Variants in ERC2 observed in about 807,000 individuals in gnomAD.
The protein encoded by ERC2 is ERC protein 2.
ERC2 carries 42 observed loss-of-function variants against 114.8 expected under a neutral mutation model. The observed-to-expected ratio is 0.37, with a 90% CI of 0.29 to 0.47. The LOEUF is 0.47. Ranked by LOEUF, ERC2 falls within the 20% of genes least tolerant of loss-of-function variation. The pLI, the probability that ERC2 is intolerant of heterozygous loss-of-function variation, is 0.99. For missense variants in ERC2, 939 were observed against 1,150.7 expected (o/e 0.82, Z 2.66); for synonymous variants, 454 against 425.5 (o/e 1.07, Z -0.82).
intron 1 of ERC2, among the ~76,000 whole-genome samples, chr3:56,455,658 A>G (rs1296980637): frequency 1.5e-4 from 23 of 152,244 alleles, no homozygotes; most frequent in Admixed American, 1.5e-3. Flanking sequence ...AGTACTTAGC[A>G]CAGTGCCTGA....
chr3:55,550,829 A>C (rs969760781), intron 17 of ERC2, among the ~76,000 whole-genome samples: 1 of 152,076 alleles, frequency 6.6e-6, no homozygotes, highest in African/African-American at 2.4e-5. Flanking sequence ...ATCCTGGCTA[A>C]CACGGTGAAA....
chr3:55,952,170 C>CTATATATATAT, intron 12 of ERC2, among the ~76,000 whole-genome samples: 1 of 64,588 alleles, frequency 1.5e-5, no homozygotes, highest in African/African-American at 5.0e-5. Context: ...CACACACACA[C>CTATATATATAT]ACACACACAC....
intron 13 of ERC2, 27 bp from the exon 14 acceptor site, chr3:55,888,576 T>C: frequency 1.9e-6 from 3 of 1,609,892 alleles, no homozygotes; most frequent in Non-Finnish European, 2.5e-6. Context: ...GCTCTGTGTG[T>C]TATTTCTCCT....
At chr3:55,846,692 TTTC>T (rs2061381952) in intron 14 of ERC2, among the ~76,000 whole-genome samples, 95 of 131,364 alleles carry the variant, frequency 7.2e-4, no homozygotes, top group Non-Finnish European at 2.2e-4. Context: ...TCTCTCTCTC[TTTC>T]TCTCTCTCTC....
chr3:56,233,432 C>T (rs920218415), intron 3 of ERC2, among the ~76,000 whole-genome samples: 9 of 152,064 alleles, frequency 5.9e-5, no homozygotes, highest in Admixed American at 6.6e-5. Context: ...ACCAGCCTGG[C>T]CAACATGGTG....
chr3:55,536,225 G>A (rs2053991607), intron 17 of ERC2, among the ~76,000 whole-genome samples: 1 of 152,076 alleles, frequency 6.6e-6, no homozygotes, highest in African/African-American at 2.4e-5. Context: ...GCTTTCTCCT[G>A]TCCTCCTTCA....
intron 2 of ERC2, among the ~76,000 whole-genome samples, chr3:56,304,667 G>A (rs2056105244): frequency 6.6e-6 from 1 of 152,116 alleles, no homozygotes; most frequent in African/African-American, 2.4e-5. Context: ...AATACATCAT[G>A]CCCAAGATGT....
chr3:55,851,494 C>T (rs1053982166), intron 14 of ERC2, among the ~76,000 whole-genome samples: 1 of 152,146 alleles, frequency 6.6e-6, no homozygotes, highest in African/African-American at 2.4e-5. Flanking sequence ...TTTTTTCTGG[C>T]TTGCGTGCCC....
intron 14 of ERC2, among the ~76,000 whole-genome samples, chr3:55,816,727 G>C (rs1169336055): frequency 6.6e-6 from 1 of 151,806 alleles, no homozygotes. Context: ...GATAAATTGG[G>C]TTATTCTACA....
At chr3:56,036,745 T>C (rs1272176130) in intron 7 of ERC2, among the ~76,000 whole-genome samples, 7 of 152,150 alleles carry the variant, frequency 4.6e-5, no homozygotes, top group Admixed American at 4.6e-4. Flanking sequence ...ACGCTTTTTC[T>C]ATGAACCTGT....
intron 17 of ERC2, among the ~76,000 whole-genome samples, chr3:55,638,112 C>T (rs138772933): frequency 6.6e-6 from 1 of 152,310 alleles, no homozygotes; most frequent in East Asian, 1.9e-4. Flanking sequence ...TGGCCCAGGG[C>T]CCCATTCCTC....
At chr3:55,563,470 A>G (rs766993534) in intron 17 of ERC2, among the ~76,000 whole-genome samples, 1 of 152,106 alleles carries the variant, frequency 6.6e-6, no homozygotes. Context: ...TGGGCTCCCA[A>G]CTGGGACTTG....
At chr3:56,431,615 C>T (rs2061792357) in intron 2 of ERC2, among the ~76,000 whole-genome samples, 2 of 152,152 alleles carry the variant, frequency 1.3e-5, no homozygotes, top group East Asian at 3.8e-4. Context: ...CTATCCTGAC[C>T]AACAGGTACT....
At chr3:56,323,390 G>A (rs1303176626) in intron 2 of ERC2, among the ~76,000 whole-genome samples, 1 of 152,144 alleles carries the variant, frequency 6.6e-6, no homozygotes, top group African/African-American at 2.4e-5. Context: ...CTTTGACAAT[G>A]AGATATCATG....
At chr3:56,300,653 C>G (rs1473949965) in intron 2 of ERC2, among the ~76,000 whole-genome samples, 1 of 152,220 alleles carries the variant, frequency 6.6e-6, no homozygotes. Context: ...CCTAAGGTGT[C>G]TTAATCCTCA....
intron 14 of ERC2, among the ~76,000 whole-genome samples, chr3:55,806,774 A>G (rs926447973): frequency 4.6e-5 from 7 of 152,190 alleles, no homozygotes; most frequent in Non-Finnish European, 7.3e-5. Flanking sequence ...AGGCCAACAC[A>G]CCTGAGTTGG....
intron 2 of ERC2, among the ~76,000 whole-genome samples, chr3:56,421,142 G>A (rs1375124731): frequency 1.3e-5 from 2 of 152,164 alleles, no homozygotes; most frequent in Non-Finnish European, 2.9e-5. Flanking sequence ...GGAGGCTACT[G>A]AAGTTGTTAT....
intron 12 of ERC2, among the ~76,000 whole-genome samples, chr3:55,966,327 T>A (rs2068746114): frequency 1.3e-5 from 2 of 152,142 alleles, no homozygotes; most frequent in Admixed American, 6.5e-5. Context: ...TTTCATGCCC[T>A]TTCTAGTTTC....
chr3:56,373,670 C>T (rs1473016067), intron 2 of ERC2, among the ~76,000 whole-genome samples: 2 of 152,156 alleles, frequency 1.3e-5, no homozygotes, highest in East Asian at 1.9e-4. Flanking sequence ...TAGCCAAGAC[C>T]GTCTCTGTTG....
Sources: gnomAD v4.1 joint callset for allele counts (sites outside exome capture counted in the v4.1 genomes callset) on GRCh38, gnomAD v4.1.1 for gene constraint, MANE v1.5 for transcripts, NCBI Gene and HGNC (gene_info 2026-07-23, HGNC 2026-07-21) for gene names.